R3HCC1L: variants seen among roughly 807,000 people sequenced by gnomAD.
R3HCC1L encodes coiled-coil domain-containing protein R3HCC1L.
A neutral mutation model predicts 59.9 loss-of-function variants in R3HCC1L; 51 were observed. The observed-to-expected ratio is 0.85, with a 90% CI of 0.68 to 1.07. R3HCC1L has a LOEUF of 1.07. Ranked by LOEUF, R3HCC1L falls within the 50% of genes least tolerant of loss-of-function variation. The pLI is 0.00. For synonymous variants in R3HCC1L, 322 were observed against 315.2 expected (o/e 1.02, Z -0.23); for missense variants, 965 against 933.0 (o/e 1.03, Z -0.45).
chr10:98,215,294 A>G (rs188401213), intron 5 of R3HCC1L, among the ~76,000 whole-genome samples: 36 of 152,336 alleles, frequency 2.4e-4, no homozygotes, highest in Admixed American at 5.2e-4. Flanking sequence ...CCTTTGTGAA[A>G]TATACCATTA....
At chr10:98,215,200 A>T (rs1854034059) in intron 5 of R3HCC1L, among the ~76,000 whole-genome samples, 1 of 152,208 alleles carries the variant, frequency 6.6e-6, no homozygotes, top group African/African-American at 2.4e-5. Flanking sequence ...TAAACAGTGT[A>T]CAGTCCTGTG....
In R3HCC1L at chr10:98,234,499, T is replaced by G; in HGVS notation, c.2015T>G (p.Phe672Cys). The G allele has an allele frequency of 1.2e-6, 2 of 1,613,090 alleles. No individual in the cohort carries two copies. The highest frequency in any genetic ancestry group is 8.5e-7 in the Non-Finnish European group (1 of 1,179,318). ...WVDDTHALGV[F>C]SSPITARDAL... ...GATGATACACATGCCCTAGGAGTAT[T>G]CTCCAGTCCAATTACAGGTATTCAC... Residue 672 changes from phenylalanine to cysteine, a missense_variant, in exon 7 of 10, where the codon TTC becomes TGC. Transcript: ENST00000298999.
chr10:98,221,660 G>C lies in R3HCC1L; in HGVS notation c.1786-9852G>C, dbSNP rs368072359. On this transcript the variant is annotated intron_variant, in intron 5 of 9. Coordinates refer to ENST00000298999, the MANE Select transcript of R3HCC1L (RefSeq NM_001351015.2). ...AATCCTTTCCCCATTGCTTGTTTTT[G>C]TCAGGTTTGTCAAAGATCAGATAGT... 2.4e-4 allele frequency among the ~76,000 whole-genome samples: 37 copies of C among 151,614 alleles called. No homozygotes were observed. The East Asian group carries it at 4.1e-3, about 17-fold the overall frequency.
chr10:98,243,124 G>C (rs759775833), intron 9 of R3HCC1L, among the ~76,000 whole-genome samples: 5 of 152,190 alleles, frequency 3.3e-5, no homozygotes, highest in African/African-American at 4.8e-5. Context: ...ATACAGTATA[G>C]GAATGTTGTA....
chr10:98,204,438 A>G (rs1036869099), intron 4 of R3HCC1L, among the ~76,000 whole-genome samples: 1 of 152,194 alleles, frequency 6.6e-6, no homozygotes, highest in African/African-American at 2.4e-5. Flanking sequence ...ATCAAGTGCT[A>G]TTAGTAAATA....
intron 4 of R3HCC1L, among the ~76,000 whole-genome samples, chr10:98,166,704 T>G (rs1020916003): frequency 6.6e-6 from 1 of 152,184 alleles, no homozygotes; most frequent in African/African-American, 2.4e-5. Flanking sequence ...GGTAGAGACA[T>G]CTTAAGGGGA....
At position 98,180,184 on chromosome 10, in the gene R3HCC1L, G is replaced by T. The variant is rs945925867; in HGVS notation, c.-15+16787G>T. Among the ~76,000 whole-genome samples the T allele has an allele frequency of 9.2e-5, 14 of 152,148 alleles. No individual in the cohort carries two copies. In the East Asian group the frequency reaches 2.5e-3, roughly 27 times the overall value. Reference sequence around the variant, plus strand: ...TTTTAGATCTTTCCTGCTTTCTCTTGTGGGCATTTAGTGCTATAAATTTCC... The same window carrying T: ...TTTTAGATCTTTCCTGCTTTCTCTTTTGGGCATTTAGTGCTATAAATTTCC... On this transcript the variant is annotated intron_variant, in intron 4 of 9. Transcript: ENST00000298999.
chr10:98,195,445 CT>C (rs769750323), intron 4 of R3HCC1L, among the ~76,000 whole-genome samples: 3,978 of 140,650 alleles, frequency 0.028, 114 homozygotes, highest in African/African-American at 0.077. Context: ...AATTTATGTT[CT>C]TTTTTTTTTT....
At chr10:98,148,654 G>A (rs945066695) in intron 1 of R3HCC1L, among the ~76,000 whole-genome samples, 20 of 151,992 alleles carry the variant, frequency 1.3e-4, no homozygotes, top group African/African-American at 3.6e-4. Flanking sequence ...AGGGTTTTTT[G>A]TTCTTGGTTC....
intron 4 of R3HCC1L, among the ~76,000 whole-genome samples, chr10:98,170,525 T>C (rs1848418667): frequency 6.6e-6 from 1 of 152,180 alleles, no homozygotes; most frequent in South Asian, 2.1e-4. Context: ...AGAGTCTTGC[T>C]AAGTTGCCCA....
chr10:98,154,543 A>G (rs920274346), intron 1 of R3HCC1L, among the ~76,000 whole-genome samples: 1 of 152,132 alleles, frequency 6.6e-6, no homozygotes, highest in Non-Finnish European at 1.5e-5. Flanking sequence ...TAGATTTTGG[A>G]TTAGGGAGTT....
intron 5 of R3HCC1L, among the ~76,000 whole-genome samples, chr10:98,223,311 T>C (rs546179689): frequency 1.7e-4 from 26 of 152,224 alleles, no homozygotes; most frequent in African/African-American, 5.5e-4. Flanking sequence ...GCAAAACGAA[T>C]GCAGCAGCAC....
At chr10:98,210,709 G>A (rs1278591870) in intron 5 of R3HCC1L, among the ~76,000 whole-genome samples, 2 of 152,120 alleles carry the variant, frequency 1.3e-5, no homozygotes, top group Non-Finnish European at 2.9e-5. Flanking sequence ...AAGCTCAGTG[G>A]TCACACCTTT....
rs531584288 is a variant in R3HCC1L at position 98,209,653 on chromosome 10, T to C, written c.1539T>C (p.Gly513=). ...SAVGIDLGST[G]DTTEALHELR... ...TGGGCATTGACCTGGGTAGTACTGG[T>C]GATACAACAGAAGCATTGCACGAAC... is the stretch of plus-strand genomic sequence containing the variant. The change falls in exon 5 of 10, where the codon GGT becomes GGC. Residue 513 remains glycine, a synonymous_variant. Coordinates refer to ENST00000298999, the MANE Select transcript of R3HCC1L (RefSeq NM_001351015.2). 4.3e-6 allele frequency: 7 copies of C among 1,613,996 alleles called. No individual in the cohort carries two copies. The African/African-American group carries it at 6.7e-5, about 15-fold the overall frequency.
intron 2 of R3HCC1L, among the ~76,000 whole-genome samples, chr10:98,156,408 A>G (rs1846886287): frequency 6.6e-6 from 1 of 152,116 alleles, no homozygotes; most frequent in South Asian, 2.1e-4. Flanking sequence ...ACCATCCTAG[A>G]GTCCCATTCG....
chr10:98,215,706 TC>T (rs1303671885), intron 5 of R3HCC1L, among the ~76,000 whole-genome samples: 2 of 152,232 alleles, frequency 1.3e-5, no homozygotes, highest in Non-Finnish European at 2.9e-5. Context: ...TTACTGACCA[TC>T]CTTTCTGCCA....
chr10:98,151,699 A>G (rs1243276440), intron 1 of R3HCC1L, among the ~76,000 whole-genome samples: 1 of 152,212 alleles, frequency 6.6e-6, no homozygotes, highest in Non-Finnish European at 1.5e-5. Flanking sequence ...AGGATGAAGA[A>G]TTAGGGAATA....
chr10:98,175,001 G>T (rs1848863917), intron 4 of R3HCC1L, among the ~76,000 whole-genome samples: 1 of 152,138 alleles, frequency 6.6e-6, no homozygotes, highest in African/African-American at 2.4e-5. Context: ...GCAAAGGATT[G>T]TGTAGTTCGG....
intron 9 of R3HCC1L, among the ~76,000 whole-genome samples, chr10:98,237,983 C>A (rs1490773895): frequency 6.6e-6 from 1 of 152,104 alleles, no homozygotes; most frequent in African/African-American, 2.4e-5. Flanking sequence ...AAGTAACTTA[C>A]TTACTTTCTG....
Sources: allele counts gnomAD v4.1 joint callset (sites outside exome capture counted in the v4.1 genomes callset), GRCh38; gene constraint gnomAD v4.1.1; transcripts MANE v1.5; gene names NCBI Gene and HGNC (gene_info 2026-07-23, HGNC 2026-07-21).